Variants in KAZN observed in about 807,000 individuals in gnomAD.
KAZN encodes the protein kazrin.
KAZN carries 40 observed loss-of-function variants against 87.4 expected under a neutral mutation model. That is an observed-to-expected ratio of 0.46 (90% CI 0.36 to 0.60). KAZN has a LOEUF of 0.60. KAZN is among the 20% of genes least tolerant of loss of function. KAZN has a pLI of 0.00. For missense variants in KAZN, 898 were observed against 1,073.9 expected (o/e 0.84, Z 2.29); for synonymous variants, 466 against 458.3 (o/e 1.02, Z -0.22).
intron 2 of KAZN, among the ~76,000 whole-genome samples, chr1:14,418,255 A>C (rs1415328682): frequency 6.6e-6 from 1 of 152,054 alleles, no homozygotes; most frequent in Admixed American, 6.5e-5. Context: ...TAACTCCACA[A>C]GTTCCTAACT....
intron 2 of KAZN, among the ~76,000 whole-genome samples, chr1:14,980,473 C>T (rs148520010): frequency 5.3e-5 from 8 of 152,240 alleles, no homozygotes; most frequent in East Asian, 3.9e-4. Flanking sequence ...GTTCGTGCTA[C>T]GCGCAGGTGA....
Position 14,514,703 on chromosome 1 carries a change from G to C in KAZN, c.250-84280G>C, listed in dbSNP as rs143626966. On this transcript the variant is annotated intron_variant, in intron 2 of 16. Coordinates refer to the KAZN transcript ENST00000636203. Reference sequence around the variant, plus strand: ...ATTAGTAATTCCACCAAGGGAGTCAGGTAGCATAATGGTTAAAAATACAGG... The same window carrying C: ...ATTAGTAATTCCACCAAGGGAGTCACGTAGCATAATGGTTAAAAATACAGG... Among the ~76,000 whole-genome samples, 877 of 143,452 alleles carry C rather than the reference G, an allele frequency of 6.1e-3. 12 individuals are homozygous for C. The highest frequency in any genetic ancestry group is 0.022 in the African/African-American group (827 of 38,254). The allele number at this position is 143,452 out of a possible 152,430, so 94.1% of individuals were successfully genotyped here.
chr1:14,861,810 G>A (rs1286800683), intron 1 of KAZN, among the ~76,000 whole-genome samples: 1 of 152,180 alleles, frequency 6.6e-6, no homozygotes, highest in Non-Finnish European at 1.5e-5. Flanking sequence ...ACTTGAACAA[G>A]GGAGAATATG....
chr1:13,981,622 T>C (rs1214507125), intron 1 of KAZN, among the ~76,000 whole-genome samples: 1 of 152,078 alleles, frequency 6.6e-6, no homozygotes, highest in Non-Finnish European at 1.5e-5. Context: ...GCAAAAACCA[T>C]GAGAAAAGGA....
chr1:14,128,220 C>A (rs1421199822), intron 1 of KAZN, among the ~76,000 whole-genome samples: 1 of 152,140 alleles, frequency 6.6e-6, no homozygotes, highest in Non-Finnish European at 1.5e-5. Context: ...CATCTTTGTG[C>A]TTTGGTGCAC....
intron 2 of KAZN, among the ~76,000 whole-genome samples, chr1:14,425,516 A>C (rs1391033618): frequency 6.6e-6 from 1 of 152,226 alleles, no homozygotes; most frequent in Non-Finnish European, 1.5e-5. Flanking sequence ...CAGTAAGATA[A>C]GACTGTGATA....
At chr1:14,857,303 T>C (rs1453325668) in intron 1 of KAZN, among the ~76,000 whole-genome samples, 1 of 152,086 alleles carries the variant, frequency 6.6e-6, no homozygotes, top group Non-Finnish European at 1.5e-5. Context: ...GGTGGGAGGA[T>C]CACTTGAGCT....
intron 1 of KAZN, among the ~76,000 whole-genome samples, chr1:14,177,800 T>G (rs1260045541): frequency 4.0e-5 from 6 of 151,346 alleles, no homozygotes; most frequent in African/African-American, 1.5e-4. Context: ...GTGTGTTTTT[T>G]TTTTTTTTTT....
intron 1 of KAZN, among the ~76,000 whole-genome samples, chr1:14,857,251 G>A (rs931118445): frequency 8.5e-5 from 13 of 152,188 alleles, no homozygotes; most frequent in South Asian, 2.1e-4. Context: ...CTGGCCAGGC[G>A]TGGTGGCTCC....
At chr1:14,948,378 G>T (rs1245180935) in intron 1 of KAZN, among the ~76,000 whole-genome samples, 1 of 152,152 alleles carries the variant, frequency 6.6e-6, no homozygotes, top group Non-Finnish European at 1.5e-5. Context: ...GCAACTCCAG[G>T]CTCCATCCTC....
intron 1 of KAZN, among the ~76,000 whole-genome samples, chr1:14,138,481 C>T (rs1401207243): frequency 2.0e-5 from 3 of 152,160 alleles, no homozygotes; most frequent in African/African-American, 7.2e-5. Flanking sequence ...GTATCTCCCA[C>T]GCCTGCACCA....
intron 2 of KAZN, among the ~76,000 whole-genome samples, chr1:14,371,850 A>C (rs1046839473): frequency 2.0e-5 from 3 of 152,242 alleles, no homozygotes; most frequent in African/African-American, 7.2e-5. Flanking sequence ...TGCACTCCTC[A>C]TGAAAGATGT....
intron 2 of KAZN, among the ~76,000 whole-genome samples, chr1:14,402,031 A>C (rs371493208): frequency 6.6e-6 from 1 of 151,984 alleles, no homozygotes; most frequent in Non-Finnish European, 1.5e-5. Context: ...ATAGATAGGC[A>C]TAAGAATCAA....
intron 1 of KAZN, among the ~76,000 whole-genome samples, chr1:14,941,354 G>A (rs1661052973): frequency 6.6e-6 from 1 of 152,154 alleles, no homozygotes; most frequent in South Asian, 2.1e-4. Flanking sequence ...CAAATAAACA[G>A]TATACTCACC....
chr1:14,847,541 C>T (rs940222643), intron 1 of KAZN, among the ~76,000 whole-genome samples: 5 of 152,206 alleles, frequency 3.3e-5, no homozygotes, highest in East Asian at 3.8e-4. Context: ...TGTACATCTG[C>T]GTCTGTGTAG....
In KAZN at chr1:14,016,368, T is replaced by C. The variant is rs571194008; in HGVS notation, c.91+122612T>C. Reference sequence around the variant, plus strand: ...AGGACTCTATGGCTTACAAAGCGTATTCATAAACATGACCCTATGTAAGCC... The same window carrying C: ...AGGACTCTATGGCTTACAAAGCGTACTCATAAACATGACCCTATGTAAGCC... On this transcript the variant is annotated intron_variant, in intron 1 of 16. Transcript: ENST00000636203. Among the ~76,000 whole-genome samples, 77 of 152,306 alleles carry C rather than the reference T, an allele frequency of 5.1e-4. No homozygotes were observed. The South Asian group carries it at 0.016, about 31-fold the overall frequency.
chr1:14,339,981 C>G (rs1571338641), intron 2 of KAZN, among the ~76,000 whole-genome samples: 1 of 152,220 alleles, frequency 6.6e-6, no homozygotes, highest in South Asian at 2.1e-4. Flanking sequence ...GCTCTCCCAC[C>G]ATGCTTCACC....
At chr1:14,467,823 C>T (rs1355965131) in intron 2 of KAZN, among the ~76,000 whole-genome samples, 1 of 152,106 alleles carries the variant, frequency 6.6e-6, no homozygotes, top group Non-Finnish European at 1.5e-5. Context: ...CATGATGGCC[C>T]CCAGAAGCTC....
At chr1:13,949,904 T>C (rs960071054) in intron 1 of KAZN, among the ~76,000 whole-genome samples, 5 of 152,192 alleles carry the variant, frequency 3.3e-5, no homozygotes, top group African/African-American at 7.2e-5. Context: ...GGATTCCCAC[T>C]GCAACTGTTG....
Sources: allele counts gnomAD v4.1 joint callset (sites outside exome capture counted in the v4.1 genomes callset), GRCh38; gene constraint gnomAD v4.1.1; transcripts MANE v1.5; gene names NCBI Gene and HGNC (gene_info 2026-07-23, HGNC 2026-07-21).